EHBP1: variants seen among roughly 807,000 people sequenced by gnomAD.
The protein encoded by EHBP1 is EH domain binding protein 1.
EHBP1 carries 55 observed loss-of-function variants against 144.0 expected under a neutral mutation model. That is an observed-to-expected ratio of 0.38 (90% confidence interval 0.31 to 0.48). The LOEUF (loss-of-function observed/expected upper bound fraction) is 0.48, where lower values mean the gene tolerates loss of function less well. Among genes scored for constraint, EHBP1 ranks in the 20% least tolerant of loss-of-function variants. The pLI is 0.98. For synonymous variants in EHBP1, 469 were observed against 472.7 expected (o/e 0.99, Z 0.10); for missense variants, 1,200 against 1,364.2 (o/e 0.88, Z 1.90).
intron 19 of EHBP1, among the ~76,000 whole-genome samples, chr2:63,011,142 C>CAA (rs58109395): frequency 2.3e-4 from 10 of 43,732 alleles, no homozygotes; most frequent in South Asian, 1.6e-3. Context: ...CCTCACTTGT[C>CAA]AAAAAAAAAA....
chr2:63,010,964 C>G (rs2060239069), intron 19 of EHBP1, among the ~76,000 whole-genome samples: 1 of 151,382 alleles, frequency 6.6e-6, no homozygotes, highest in African/African-American at 2.4e-5. Context: ...AGGAATAAAT[C>G]TAGGTTTCCT....
intron 5 of EHBP1, among the ~76,000 whole-genome samples, chr2:62,808,698 G>A (rs1265181643): frequency 6.6e-6 from 1 of 152,010 alleles, no homozygotes; most frequent in African/African-American, 2.4e-5. Context: ...TTGATAGCCA[G>A]ATGTGATTTC....
intron 15 of EHBP1, among the ~76,000 whole-genome samples, chr2:62,982,952 C>T (rs534740601): frequency 2.6e-5 from 4 of 152,222 alleles, no homozygotes; most frequent in African/African-American, 9.6e-5. Context: ...ATCAAGAGAC[C>T]TATATCCTAT....
intron 2 of EHBP1, among the ~76,000 whole-genome samples, chr2:62,745,198 A>G (rs1447402154): frequency 2.0e-5 from 3 of 152,132 alleles, no homozygotes; most frequent in African/African-American, 2.4e-5. Flanking sequence ...ACCTTGTACT[A>G]GATTATTAGT....
chr2:62,794,129 T>C (rs1232662849), intron 5 of EHBP1, among the ~76,000 whole-genome samples: 2 of 152,134 alleles, frequency 1.3e-5, no homozygotes, highest in Non-Finnish European at 2.9e-5. Context: ...CTCTTTTCTT[T>C]AGTGGCTGGT....
In EHBP1 at chr2:62,682,056, T is replaced by C. The variant is rs554659790; in HGVS notation, c.-296+7973T>C. Among the ~76,000 whole-genome samples, 182 of 152,296 alleles carry C rather than the reference T, an allele frequency of 1.2e-3. 1 individual carries two copies. Among genetic ancestry groups the C allele is most frequent in the Middle Eastern group, 3.4e-3 (1 of 294 alleles). ...TGGCTCAGCACAAGGGAATACTTTC[T>C]GTAAAAATGAGTTTGCCTTCAATGG... On this transcript the variant is annotated intron_variant, in intron 1 of 22. Coordinates refer to the EHBP1 transcript ENST00000405015.
upstream of EHBP1, among the ~76,000 whole-genome samples, chr2:62,703,458 G>T (rs1277376998): frequency 1.3e-5 from 2 of 152,146 alleles, no homozygotes; most frequent in African/African-American, 2.4e-5. Context: ...TATACAGGTT[G>T]TTTTTTAAAA....
chr2:62,889,929 C>T lies in EHBP1; in HGVS notation c.1185+15397C>T, dbSNP rs914288455. On this transcript the variant is annotated intron_variant, in intron 10 of 22. Transcript: ENST00000431489. ...TTTGCTTAGGATTGCCTTCGCTATT[C>T]AGGATAGGCTCTTTTTTTATTCCAT... Among the ~76,000 whole-genome samples the T allele has an allele frequency of 2.0e-5, 3 of 147,864 alleles. No individual in the cohort carries two copies. In the East Asian group the frequency reaches 5.9e-4, roughly 29 times the overall value.
chr2:62,992,120 T>C (rs1574390115), intron 16 of EHBP1, among the ~76,000 whole-genome samples: 1 of 152,174 alleles, frequency 6.6e-6, no homozygotes, highest in Non-Finnish European at 1.5e-5. Flanking sequence ...AAAGGTTTCT[T>C]AAGATGGGAT....
intron 2 of EHBP1, among the ~76,000 whole-genome samples, chr2:62,710,041 G>A (rs1221560070): frequency 6.6e-6 from 1 of 152,074 alleles, no homozygotes; most frequent in African/African-American, 2.4e-5. Flanking sequence ...ATTAAATGAT[G>A]TAGCTGTTGG....
intron 9 of EHBP1, among the ~76,000 whole-genome samples, chr2:62,866,458 T>A (rs2050045778): frequency 6.6e-6 from 1 of 152,142 alleles, no homozygotes; most frequent in African/African-American, 2.4e-5. Flanking sequence ...GATGATGGAA[T>A]TAAAAGATCA....
chr2:62,940,181 C>T (rs2056659451), intron 10 of EHBP1: 5 of 354,830 alleles, frequency 1.4e-5, no homozygotes, highest in Middle Eastern at 1.0e-3. Flanking sequence ...GAAGAGCATC[C>T]GCAAGCAGTT....
chr2:62,833,332 C>A (rs2046962386), intron 7 of EHBP1, among the ~76,000 whole-genome samples: 1 of 152,188 alleles, frequency 6.6e-6, no homozygotes, highest in Non-Finnish European at 1.5e-5. Flanking sequence ...AGCAGGTTAT[C>A]CAGAAGATCT....
chr2:62,904,407 G>C (rs1409926892), intron 10 of EHBP1, among the ~76,000 whole-genome samples: 2 of 152,142 alleles, frequency 1.3e-5, no homozygotes, highest in Non-Finnish European at 2.9e-5. Flanking sequence ...ATAGTTTACA[G>C]TGCATCTACT....
At chr2:62,847,048 A>G (rs529948826) in intron 7 of EHBP1, among the ~76,000 whole-genome samples, 1 of 152,340 alleles carries the variant, frequency 6.6e-6, no homozygotes, top group South Asian at 2.1e-4. Flanking sequence ...CTGAATTATA[A>G]TAGTAATGCT....
chr2:62,689,653 A>C (rs2151744096), intron 1 of EHBP1, among the ~76,000 whole-genome samples: 1 of 152,330 alleles, frequency 6.6e-6, no homozygotes, highest in Middle Eastern at 3.4e-3. Flanking sequence ...GCAACAGAGC[A>C]AGACTCTGTC....
intron 5 of EHBP1, among the ~76,000 whole-genome samples, chr2:62,782,542 G>C (rs778641145): frequency 6.6e-6 from 1 of 152,152 alleles, no homozygotes; most frequent in African/African-American, 2.4e-5. Context: ...CCACAGTTCC[G>C]TATGGCTGGG....
At chr2:63,016,560 A>T (rs112451658) in intron 19 of EHBP1, among the ~76,000 whole-genome samples, 13,822 of 151,668 alleles carry the variant, frequency 0.091, 832 homozygotes, top group Non-Finnish European at 0.13. Context: ...CCCCCCGAGT[A>T]CCTGGGATTA....
chr2:62,819,982 G>A (rs752452215), intron 5 of EHBP1, among the ~76,000 whole-genome samples: 15 of 151,136 alleles, frequency 9.9e-5, no homozygotes, highest in African/African-American at 1.7e-4. Context: ...AGGCCGAAGC[G>A]GGCAGATCAC....
Sources: gnomAD v4.1 joint callset for allele counts (sites outside exome capture counted in the v4.1 genomes callset) on GRCh38, gnomAD v4.1.1 for gene constraint, MANE v1.5 for transcripts, NCBI Gene and HGNC (gene_info 2026-07-23, HGNC 2026-07-21) for gene names.